The following WIPF1 variants were observed in gnomAD, a reference collection of about 807,000 sequenced individuals.
WIPF1 encodes WAS/WASL-interacting protein family member 1.
A neutral mutation model predicts 35.4 loss-of-function variants in WIPF1; 13 were observed. The ratio of observed to expected loss-of-function variants is 0.37; its 90% CI spans 0.24 to 0.58. The LOEUF is 0.58. WIPF1 is among the 20% of genes least tolerant of loss of function. The pLI is 0.74. For missense variants in WIPF1, 591 were observed against 667.0 expected, an observed-to-expected ratio of 0.89 and a Z score of 1.25; for synonymous variants, 267 against 266.3, an observed-to-expected ratio of 1.00 and a Z score of -0.02.
chr2:174,682,298 C>T (rs1427815356), intron 1 of WIPF1, among the ~76,000 whole-genome samples: 4 of 152,186 alleles, frequency 2.6e-5, no homozygotes, highest in African/African-American at 4.8e-5. Flanking sequence ...TTCCCATAGA[C>T]AGGCAGGCGG....
upstream of WIPF1, chr2:174,598,167 C>T (rs562714947): frequency 2.0e-5 from 3 of 152,290 alleles, no homozygotes; most frequent in Admixed American, 1.3e-4. Flanking sequence ...AAGCTCTTAC[C>T]TACCTTACCT....
chr2:174,609,287 C>T (rs1430185), intron 1 of WIPF1, among the ~76,000 whole-genome samples: 123,824 of 152,288 alleles, frequency 0.81, 50,652 homozygotes, highest in East Asian at 0.99. Flanking sequence ...CCAATTTATA[C>T]ATAAACTCAA....
chr2:174,672,391 G>A lies in WIPF1; in HGVS notation c.-39+10383C>T, dbSNP rs559368693. 2.6e-5 allele frequency among the ~76,000 whole-genome samples: 4 copies of A among 152,184 alleles called. No individual in the cohort carries two copies. The South Asian group carries it at 8.3e-4, about 32-fold the overall frequency. On this transcript the variant is annotated intron_variant, in intron 1 of 8. Transcript: ENST00000272746. ...AAATACTATTACAAAAAACAACCTC[G>A]GTGCAATAGAAAGACTTCAGTGTTT...
At chr2:174,582,075 C>T (rs1685260465) in intron 2 of WIPF1, among the ~76,000 whole-genome samples, 2 of 152,092 alleles carry the variant, frequency 1.3e-5, no homozygotes, top group African/African-American at 4.8e-5. Context: ...GTGAAACCAC[C>T]GTCACAATCA....
In WIPF1 at chr2:174,590,576, G is replaced by C. The variant is rs4972699; in HGVS notation, c.-38-4965C>G. On this transcript the variant is annotated intron_variant, in intron 1 of 7. Coordinates refer to ENST00000679041, the MANE Select transcript of WIPF1 (RefSeq NM_001375834.1). The surrounding 1 kb of genome is among the most constrained non-coding windows in gnomAD (Gnocchi z 4.6). ...CAGCTGATTCGGGTGCAGGAGAGAC[G>C]CAAGAAGGGAAGGGACTCAGCAGCA... 0.94 allele frequency among the ~76,000 whole-genome samples: 142,633 copies of C among 152,212 alleles called. 66,960 individuals are homozygous for C. The highest frequency in any genetic ancestry group is 0.99 in the East Asian group (5,127 of 5,170).
chr2:174,586,711 C>T (rs545689207), intron 1 of WIPF1, among the ~76,000 whole-genome samples: 1 of 152,318 alleles, frequency 6.6e-6, no homozygotes, highest in African/African-American at 2.4e-5. Context: ...CATCCCTAAG[C>T]AATGCCAGCT....
upstream of WIPF1, chr2:174,597,918 A>G (rs897747065): frequency 6.6e-6 from 1 of 152,668 alleles, no homozygotes; most frequent in Non-Finnish European, 1.5e-5. Flanking sequence ...AAAAACCTAA[A>G]TTAAAAAAAA....
intron 1 of WIPF1, among the ~76,000 whole-genome samples, chr2:174,654,989 C>A (rs1687611602): frequency 6.6e-6 from 1 of 152,208 alleles, no homozygotes; most frequent in South Asian, 2.1e-4. Context: ...TTGTGGCAGA[C>A]CACTGAATTC....
chr2:174,664,693 A>G (rs1687853039), intron 1 of WIPF1, among the ~76,000 whole-genome samples: 1 of 152,254 alleles, frequency 6.6e-6, no homozygotes, highest in African/African-American at 2.4e-5. Flanking sequence ...AAGTCAAACC[A>G]GACAAACCTC....
chr2:174,637,811 C>T (rs887882005), intron 1 of WIPF1, among the ~76,000 whole-genome samples: 4 of 152,100 alleles, frequency 2.6e-5, no homozygotes, highest in African/African-American at 9.7e-5. Flanking sequence ...CAAAAAAAAC[C>T]CACCATAATA....
chr2:174,654,220 GCT>G lies in WIPF1; in HGVS notation c.-39+28552_-39+28553del, dbSNP rs573734008. On this transcript the variant is annotated intron_variant, in intron 1 of 8. Transcript: ENST00000272746. ...TATTAAAAATTGATCATGGAGACAT[GCT>G]CTCTCTCCATTCTCTGAGGCTACAG... 5.0e-4 allele frequency among the ~76,000 whole-genome samples: 76 copies of G among 152,222 alleles called. 1 individual carries two copies. Among genetic ancestry groups the G allele is most frequent in the African/African-American group, 1.8e-3 (73 of 41,532 alleles).
chr2:174,605,152 T>C (rs1439071959), intron 1 of WIPF1, among the ~76,000 whole-genome samples: 3 of 152,140 alleles, frequency 2.0e-5, no homozygotes, highest in Admixed American at 1.3e-4. Flanking sequence ...AAGCAACATG[T>C]GGGCCAGCGC....
chr2:174,580,109 C>A lies in WIPF1; in HGVS notation c.181+1201G>T, dbSNP rs139995343. 4.9e-3 allele frequency among the ~76,000 whole-genome samples: 739 copies of A among 152,186 alleles called. 3 individuals are homozygous for A. Among genetic ancestry groups the A allele is most frequent in the Middle Eastern group, 0.017 (5 of 294 alleles). On this transcript the variant is annotated intron_variant, in intron 3 of 7. Coordinates refer to ENST00000679041, the MANE Select transcript of WIPF1 (RefSeq NM_001375834.1). ...GGGACTACAGGCATGTGCCACCACA[C>A]CTGGCTAATTTTTGTATTTTTAGTA...
chr2:174,682,146 C>T (rs1016796506), intron 1 of WIPF1, among the ~76,000 whole-genome samples: 13 of 152,352 alleles, frequency 8.5e-5, no homozygotes, highest in Admixed American at 1.3e-4. Context: ...GTCCCCACTC[C>T]GGGCGAAAAG....
chr2:174,640,654 C>A (rs1687278110), intron 1 of WIPF1, among the ~76,000 whole-genome samples: 1 of 151,446 alleles, frequency 6.6e-6, no homozygotes. Context: ...AGTACATGTG[C>A]ACAATGTGCA....
chr2:174,639,465 G>T (rs1054214757), intron 1 of WIPF1, among the ~76,000 whole-genome samples: 1 of 152,192 alleles, frequency 6.6e-6, no homozygotes, highest in East Asian at 1.9e-4. Context: ...TGTCACCTAG[G>T]GTGGTCTCGA....
At chr2:174,620,713 G>GCAC (rs1686647411) in intron 1 of WIPF1, among the ~76,000 whole-genome samples, 1 of 152,186 alleles carries the variant, frequency 6.6e-6, no homozygotes, top group Non-Finnish European at 1.5e-5. Context: ...TTCATTTTAG[G>GCAC]GACATGTGAG....
chr2:174,605,703 G>A (rs916180491), intron 1 of WIPF1, among the ~76,000 whole-genome samples: 1 of 152,120 alleles, frequency 6.6e-6, no homozygotes, highest in Non-Finnish European at 1.5e-5. Flanking sequence ...TATAGAAAAG[G>A]AGGGAAAGTG....
intron 1 of WIPF1, among the ~76,000 whole-genome samples, chr2:174,638,593 TATG>T (rs1276836630): frequency 6.6e-6 from 1 of 152,122 alleles, no homozygotes; most frequent in Middle Eastern, 3.4e-3. Context: ...TCTCTGCTTC[TATG>T]ATATCAACCT....
Sources: gnomAD v4.1 joint callset for allele counts (sites outside exome capture counted in the v4.1 genomes callset) on GRCh38, gnomAD v4.1.1 for gene constraint, Gnocchi (gnomAD v3.1) non-coding constraint, MANE v1.5 for transcripts, NCBI Gene and HGNC (gene_info 2026-07-23, HGNC 2026-07-21) for gene names.